The following TOX variants were observed in gnomAD, a reference collection of about 807,000 sequenced individuals.
The protein encoded by TOX is thymocyte selection associated high mobility group box.
TOX carries 11 observed loss-of-function variants against 53.7 expected under a neutral mutation model. That is an observed-to-expected ratio of 0.20 (90% CI 0.13 to 0.34). The LOEUF (loss-of-function observed/expected upper bound fraction) is 0.34, where lower values mean the gene tolerates loss of function less well. Among genes scored for constraint, TOX ranks in the 10% least tolerant of loss-of-function variants. The probability of loss-of-function intolerance (pLI) is 1.00; values close to 1 mark genes in which losing one functional copy is unlikely to be tolerated. For synonymous variants in TOX, 225 were observed against 245.3 expected (o/e 0.92, Z 0.77); for missense variants, 570 against 664.6 (o/e 0.86, Z 1.56).
chr8:59,048,548 A>G (rs1022912361), intron 1 of TOX, among the ~76,000 whole-genome samples: 1 of 152,220 alleles, frequency 6.6e-6, no homozygotes, highest in African/African-American at 2.4e-5. Context: ...CCTTCCCCCA[A>G]AAAGAAGGCA....
At chr8:58,820,020 G>A (rs1343372160) in intron 6 of TOX, among the ~76,000 whole-genome samples, 2 of 152,066 alleles carry the variant, frequency 1.3e-5, no homozygotes, top group Non-Finnish European at 2.9e-5. Context: ...TTTAAATCAC[G>A]ATCTGGGTTT....
At chr8:59,006,042 C>CA (rs1315202546) in intron 1 of TOX, among the ~76,000 whole-genome samples, 48 of 152,344 alleles carry the variant, frequency 3.2e-4, no homozygotes, top group African/African-American at 1.1e-3. Flanking sequence ...CACTCCCTGC[C>CA]ACATGCTCTT....
chr8:58,996,958 T>G (rs1473831949), intron 1 of TOX, among the ~76,000 whole-genome samples: 4 of 152,184 alleles, frequency 2.6e-5, no homozygotes, highest in African/African-American at 9.7e-5. Context: ...TGTTTCAGAC[T>G]CGCATAGCTG....
intron 3 of TOX, among the ~76,000 whole-genome samples, chr8:58,873,958 C>CTTTTGTTTTTTTTTTTTTTTT (rs1811239915): frequency 2.5e-5 from 1 of 40,128 alleles, no homozygotes; most frequent in East Asian, 7.7e-4. Context: ...TGCCAGGAAG[C>CTTTTGTTTTTTTTTTTTTTTT]TTTTTTTTTT....
At chr8:58,940,431 T>G (rs901929586) in intron 2 of TOX, among the ~76,000 whole-genome samples, 8 of 152,056 alleles carry the variant, frequency 5.3e-5, no homozygotes, top group African/African-American at 1.9e-4. Context: ...CATGCCTGTT[T>G]GAAATGGAAT....
Position 58,836,594 on chromosome 8 carries a change from C to T in TOX, c.924+1487G>A, listed in dbSNP as rs142263966. ...TTCAGGCTGGCAATCTTGAAAAGGACGTAGGGAAATACGTAGAGATTTCAG... is the reference window on the plus strand; with the variant it reads ...TTCAGGCTGGCAATCTTGAAAAGGATGTAGGGAAATACGTAGAGATTTCAG... On this transcript the variant is annotated intron_variant, in intron 5 of 8. Transcript: ENST00000361421. 9.2e-5 allele frequency among the ~76,000 whole-genome samples: 14 copies of T among 152,056 alleles called. No individual in the cohort carries two copies. In the East Asian group the frequency reaches 9.7e-4, roughly 10 times the overall value.
At chr8:58,945,900 A>G (rs549504919) in intron 2 of TOX, among the ~76,000 whole-genome samples, 19 of 152,124 alleles carry the variant, frequency 1.2e-4, no homozygotes, top group Admixed American at 7.2e-4. Context: ...ACATATTGCA[A>G]TCATTATACA....
At chr8:58,944,491 T>C (rs1359624250) in intron 2 of TOX, among the ~76,000 whole-genome samples, 1 of 152,320 alleles carries the variant, frequency 6.6e-6, no homozygotes, top group Middle Eastern at 3.4e-3. Context: ...GAGACAGATG[T>C]TGGACTAGGC....
chr8:59,047,241 G>A (rs1429699175), intron 1 of TOX, among the ~76,000 whole-genome samples: 1 of 121,430 alleles, frequency 8.2e-6, no homozygotes, highest in Non-Finnish European at 1.6e-5. Context: ...TTTTGAGACG[G>A]AGTCTCGCTC....
At chr8:58,905,701 G>A (rs889781881) in intron 3 of TOX, among the ~76,000 whole-genome samples, 4 of 152,158 alleles carry the variant, frequency 2.6e-5, no homozygotes, top group Non-Finnish European at 4.4e-5. Flanking sequence ...TTGCACAGTC[G>A]AGTTCACAAC....
At chr8:58,958,567 C>T (rs1812748741) in intron 2 of TOX, among the ~76,000 whole-genome samples, 1 of 152,172 alleles carries the variant, frequency 6.6e-6, no homozygotes, top group African/African-American at 2.4e-5. Flanking sequence ...TTAATAGTAA[C>T]ATTTTTCATT....
chr8:58,869,156 G>A (rs991356168), intron 3 of TOX, among the ~76,000 whole-genome samples: 31 of 148,690 alleles, frequency 2.1e-4, no homozygotes, highest in Admixed American at 1.4e-3. Context: ...GAACCCGGGA[G>A]GCAGAGGTTG....
intron 3 of TOX, among the ~76,000 whole-genome samples, chr8:58,904,585 A>T (rs1811783777): frequency 6.6e-6 from 1 of 152,202 alleles, no homozygotes; most frequent in African/African-American, 2.4e-5. Context: ...TGAATGGCTC[A>T]GAGATAATAG....
chr8:58,932,432 C>T (rs149300200), intron 3 of TOX, among the ~76,000 whole-genome samples: 24 of 152,226 alleles, frequency 1.6e-4, no homozygotes, highest in Admixed American at 3.3e-4. Flanking sequence ...AAACAAGCTG[C>T]GGTGACATCC....
chr8:59,050,705 C>T lies in TOX; in HGVS notation c.102+68181G>A, dbSNP rs139461203. On this transcript the variant is annotated intron_variant, in intron 1 of 8. Coordinates refer to ENST00000361421, the MANE Select transcript of TOX (RefSeq NM_014729.3). Reference sequence around the variant, plus strand: ...GCTCAAGATGACCTTCTGGATCTCACATTTGCATCACCTAACATTTGGTGT... The same window carrying T: ...GCTCAAGATGACCTTCTGGATCTCATATTTGCATCACCTAACATTTGGTGT... 1.4e-3 allele frequency among the ~76,000 whole-genome samples: 209 copies of T among 152,252 alleles called. 1 individual carries two copies. Among genetic ancestry groups the T allele is most frequent in the Non-Finnish European group, 2.3e-3 (153 of 67,962 alleles).
At chr8:59,027,236 G>T (rs1350481910) in intron 1 of TOX, among the ~76,000 whole-genome samples, 1 of 152,144 alleles carries the variant, frequency 6.6e-6, no homozygotes, top group Non-Finnish European at 1.5e-5. Flanking sequence ...TACAAAGAAG[G>T]TTCCAAATTT....
At chr8:59,056,060 T>C (rs944955156) in intron 1 of TOX, among the ~76,000 whole-genome samples, 2 of 152,052 alleles carry the variant, frequency 1.3e-5, no homozygotes, top group African/African-American at 4.8e-5. Flanking sequence ...TTGCTAAACA[T>C]CCCATAAAAG....
At chr8:59,018,277 G>T (rs4738752) in intron 1 of TOX, among the ~76,000 whole-genome samples, 30,234 of 151,968 alleles carry the variant, frequency 0.2, 3,147 homozygotes, top group Non-Finnish European at 0.22. Flanking sequence ...CAAGAACCCA[G>T]GTGAGAAAGA....
chr8:59,077,665 AAACTAAAACTTT>A lies in TOX; in HGVS notation c.102+41209_102+41220del, dbSNP rs112473333. On this transcript the variant is annotated intron_variant, in intron 1 of 8. Transcript: ENST00000361421. ...GAAGGTTCCAGATAGCCTTGATGAAAAACTAAAACTTTTCCAGACGAAGAGCCTGAACACTGA... is the reference window on the plus strand; with the variant it reads ...GAAGGTTCCAGATAGCCTTGATGAAATCCAGACGAAGAGCCTGAACACTGA... 8.0e-4 allele frequency among the ~76,000 whole-genome samples: 122 copies of A among 152,294 alleles called. 2 individuals carry two copies. The highest frequency in any genetic ancestry group is 2.9e-3 in the African/African-American group (120 of 41,570).
Sources: gnomAD v4.1 joint callset for allele counts (sites outside exome capture counted in the v4.1 genomes callset) on GRCh38, gnomAD v4.1.1 for gene constraint, MANE v1.5 for transcripts, NCBI Gene and HGNC (gene_info 2026-07-23, HGNC 2026-07-21) for gene names.